The following ARL5B variants were observed in gnomAD, a reference collection of about 807,000 sequenced individuals.
ARL5B encodes ADP-ribosylation factor-like protein 5B.
ARL5B carries 10 observed loss-of-function variants against 26.9 expected under a neutral mutation model. That is an observed-to-expected ratio of 0.37 (90% CI 0.23 to 0.63). The LOEUF (loss-of-function observed/expected upper bound fraction) is 0.63, where lower values mean the gene tolerates loss of function less well. ARL5B is among the 30% of genes least tolerant of loss of function. The pLI, the probability that ARL5B is intolerant of heterozygous loss-of-function variation, is 0.62. For synonymous variants in ARL5B, 87 were observed against 70.4 expected, an observed-to-expected ratio of 1.24 and a Z score of -1.18; for missense variants, 167 against 213.9, an observed-to-expected ratio of 0.78 and a Z score of 1.37.
Position 18,675,177 on chromosome 10 carries a change from A to G in ARL5B, c.501A>G (p.Gln167=), listed in dbSNP as rs1447604538. 1 of 1,613,208 alleles carries G rather than the reference A, an allele frequency of 6.2e-7. No individual in the cohort carries two copies. The change falls in exon 6 of 6, where the codon CAA becomes CAG. Residue 167 remains glutamine (Q), a synonymous_variant. Coordinates refer to ENST00000377275, the MANE Select transcript of ARL5B (RefSeq NM_178815.5). ...TCTATCTTTTGTTTAGGTTATGCCA[A>G]GGTCTAGAGTGGATGACCTCCCGGA... ...CCALTGEGLC[Q]GLEWMTSRIG...
At chr10:18,662,275 C>T (rs904656892) in intron 1 of ARL5B, among the ~76,000 whole-genome samples, 1 of 152,210 alleles carries the variant, frequency 6.6e-6, no homozygotes, top group Non-Finnish European at 1.5e-5. Context: ...ACTTTATGTG[C>T]TCCTTTCCCG....
chr10:18,669,463 C>G (rs928000423), intron 3 of ARL5B, among the ~76,000 whole-genome samples: 2 of 152,116 alleles, frequency 1.3e-5, no homozygotes, highest in Non-Finnish European at 2.9e-5. Flanking sequence ...CAAATCATCT[C>G]TCAAAGTTCT....
At chr10:18,665,362 T>C (rs1476866722) in intron 1 of ARL5B, among the ~76,000 whole-genome samples, 2 of 152,194 alleles carry the variant, frequency 1.3e-5, no homozygotes, top group African/African-American at 2.4e-5. Flanking sequence ...TAGTGAGTTA[T>C]ACTAAGCAGG....
At chr10:18,667,061 T>A (rs973788573) in intron 2 of ARL5B, among the ~76,000 whole-genome samples, 1 of 152,176 alleles carries the variant, frequency 6.6e-6, no homozygotes, top group Non-Finnish European at 1.5e-5. Flanking sequence ...CCTGAAAATA[T>A]TGCTGTAGTA....
chr10:18,669,277 G>T (rs1438907632), intron 3 of ARL5B, among the ~76,000 whole-genome samples: 1 of 152,098 alleles, frequency 6.6e-6, no homozygotes, highest in Non-Finnish European at 1.5e-5. Flanking sequence ...CATGTCTCCA[G>T]GGTTGGAGAG....
At chr10:18,666,387 G>A (rs1368943329) in intron 1 of ARL5B, among the ~76,000 whole-genome samples, 188 bp from the exon 2 acceptor site, 1 of 152,210 alleles carries the variant, frequency 6.6e-6, no homozygotes, top group African/African-American at 2.4e-5. Flanking sequence ...GAGAATCAAT[G>A]ATAATTGATT....
chr10:18,670,941 C>T (rs1473147284), intron 3 of ARL5B, among the ~76,000 whole-genome samples: 1 of 152,162 alleles, frequency 6.6e-6, no homozygotes, highest in African/African-American at 2.4e-5. Context: ...TGGCGCCTGT[C>T]ACTTTGCATT....
Position 18,668,570 on chromosome 10 carries a change from A to G in ARL5B, c.148A>G (p.Ser50Gly), listed in dbSNP as rs367712959. Residue 50 changes from serine (S) to glycine (G), a missense_variant, in exon 3 of 6, where the codon AGC (serine) becomes GGC (glycine). Coordinates refer to ENST00000377275, the MANE Select transcript of ARL5B (RefSeq NM_178815.5). ...EVVHTSPTIG[S>G]NVEEIVVKNT... ...GGTTCATACTTCTCCAACCATAGGA[A>G]GCAATGTTGAAGAAATAGTTGTGAA... 1.1e-5 allele frequency: 17 copies of G among 1,614,034 alleles called. No homozygotes were observed. The highest frequency in any genetic ancestry group is 9.3e-6 in the Non-Finnish European group (11 of 1,180,030).
At chr10:18,662,151 T>C (rs2059839691) in intron 1 of ARL5B, among the ~76,000 whole-genome samples, 1 of 152,244 alleles carries the variant, frequency 6.6e-6, no homozygotes, top group Non-Finnish European at 1.5e-5. Context: ...TATATTAGAA[T>C]AACAGGCCCA....
intron 1 of ARL5B, among the ~76,000 whole-genome samples, chr10:18,660,270 G>A (rs886383328): frequency 6.6e-6 from 1 of 151,830 alleles, no homozygotes; most frequent in Non-Finnish European, 1.5e-5. Flanking sequence ...TTTCGGTTTT[G>A]TGTAAGACGT....
chr10:18,664,414 T>C (rs986009760), intron 1 of ARL5B, among the ~76,000 whole-genome samples: 3 of 147,550 alleles, frequency 2.0e-5, no homozygotes, highest in Non-Finnish European at 3.0e-5. Flanking sequence ...CTGTAACTGA[T>C]AGTAACAGTA....
Position 18,659,589 on chromosome 10 carries a change from C to A in ARL5B, c.-49C>A. The A allele has an allele frequency of 6.3e-7, 1 of 1,579,588 alleles. No homozygotes were observed. The highest frequency in any genetic ancestry group is 8.6e-7 in the Non-Finnish European group (1 of 1,164,560). ...CCGCGCCGCGGTGGGGGACCCGGCGCAGCGGCACCTGCTGCCGAGGGACCC... is the reference window on the plus strand; with the variant it reads ...CCGCGCCGCGGTGGGGGACCCGGCGAAGCGGCACCTGCTGCCGAGGGACCC... On this transcript the variant is annotated 5_prime_UTR_variant, in exon 1 of 6. Coordinates refer to ENST00000377275, the MANE Select transcript of ARL5B (RefSeq NM_178815.5).
At position 18,678,580 on chromosome 10, in the gene ARL5B, G is replaced by T. The variant is rs1476984680; in HGVS notation, c.*3364G>T. On this transcript the variant is annotated 3_prime_UTR_variant, in exon 6 of 6. Transcript: ENST00000377275. ...CAATTTTTATTTAGTCCTTAACTATGTAAAACCGTATCAGTAGAAAAATGT... is the reference window on the plus strand; with the variant it reads ...CAATTTTTATTTAGTCCTTAACTATTTAAAACCGTATCAGTAGAAAAATGT... 6.6e-6 allele frequency: 1 copy of T among 151,748 alleles called. No individual in the cohort carries two copies. The highest frequency in any genetic ancestry group is 1.5e-5 in the Non-Finnish European group (1 of 67,774). 9.4% of individuals were successfully genotyped at this position (151,748 alleles called of 1,614,324 possible). A position where few individuals can be genotyped will look rare whatever the true frequency, so the allele number is the denominator to read the frequency against.
intron 2 of ARL5B, among the ~76,000 whole-genome samples, chr10:18,668,317 C>T (rs551247690): frequency 2.6e-5 from 4 of 151,126 alleles, no homozygotes; most frequent in East Asian, 1.9e-4. Flanking sequence ...CAATTCCTTC[C>T]GTTAAAAAAA....
chr10:18,681,402 T>G lies in ARL5B; in HGVS notation c.*6186T>G, dbSNP rs762954164. 1.3e-5 allele frequency: 2 copies of G among 152,214 alleles called. No homozygotes were observed. Among genetic ancestry groups the G allele is most frequent in the African/African-American group, 4.8e-5 (2 of 41,464 alleles). The allele number at this position is 152,214 out of a possible 1,614,324, so 9.4% of individuals were successfully genotyped here. A position where few individuals can be genotyped will look rare whatever the true frequency, so the allele number is the denominator to read the frequency against. Reference sequence around the variant, plus strand: ...AATACTTTATTAGTTATGAAGTGCTTCTTTTATATGTTAAGTTTAGGTTGC... The same window carrying G: ...AATACTTTATTAGTTATGAAGTGCTGCTTTTATATGTTAAGTTTAGGTTGC... On this transcript the variant is annotated 3_prime_UTR_variant, in exon 6 of 6. Transcript: ENST00000377275.
chr10:18,667,297 A>G (rs936075590), intron 2 of ARL5B, among the ~76,000 whole-genome samples: 43 of 152,202 alleles, frequency 2.8e-4, no homozygotes, highest in Admixed American at 1.6e-3. Flanking sequence ...CTCATGTTGC[A>G]TTAGAAGACA....
At position 18,675,173 on chromosome 10, in the gene ARL5B, G is replaced by A; in HGVS notation, c.497G>A (p.Cys166Tyr). The stretch of plus-strand genomic sequence containing the variant: ...TACTTCTATCTTTTGTTTAGGTTAT[G>A]CCAAGGTCTAGAGTGGATGACCTCC... ...SCCALTGEGL[C>Y]QGLEWMTSRI... Residue 166 changes from cysteine (C) to tyrosine (Y), a missense_variant, in exon 6 of 6, where the codon TGC becomes TAC. By Grantham distance (194) the Cys-to-Tyr change is radical. Transcript: ENST00000377275. 1 of 1,612,996 alleles carries A rather than the reference G, an allele frequency of 6.2e-7. No homozygotes were observed. Among genetic ancestry groups the A allele is most frequent in the Non-Finnish European group, 8.5e-7 (1 of 1,179,192 alleles).
At chr10:18,674,222 T>G in intron 5 of ARL5B, 87 bp downstream of exon 5, 1 of 1,263,284 alleles carries the variant, frequency 7.9e-7, no homozygotes, top group East Asian at 2.6e-5. Context: ...ATGGGTCCTG[T>G]TCCTTTTCTG....
intron 1 of ARL5B, among the ~76,000 whole-genome samples, chr10:18,661,846 G>C (rs1590223264): frequency 1.3e-5 from 2 of 152,342 alleles, no homozygotes; most frequent in East Asian, 1.9e-4. Flanking sequence ...GAATGAGCTA[G>C]TTTGGTACTT....
Sources: gnomAD v4.1 joint callset for allele counts (sites outside exome capture counted in the v4.1 genomes callset) on GRCh38, gnomAD v4.1.1 for gene constraint, MANE v1.5 for transcripts, NCBI Gene and HGNC (gene_info 2026-07-23, HGNC 2026-07-21) for gene names.